The following NR3C2 variants were observed in gnomAD, a reference collection of about 807,000 sequenced individuals.
The protein encoded by NR3C2 is mineralocorticoid receptor.
NR3C2 carries 15 observed loss-of-function variants against 86.4 expected under a neutral mutation model. The observed-to-expected ratio is 0.17, with a 90% CI of 0.12 to 0.27. The LOEUF is 0.27. Ranked by LOEUF, NR3C2 falls within the 10% of genes least tolerant of loss-of-function variation. The pLI is 1.00. For missense variants in NR3C2, 960 were observed against 1,195.6 expected (o/e 0.80, Z 2.91); for synonymous variants, 458 against 450.5 (o/e 1.02, Z -0.21).
intron 4 of NR3C2, among the ~76,000 whole-genome samples, chr4:148,176,088 T>C (rs916454400): frequency 6.6e-6 from 1 of 152,196 alleles, no homozygotes; most frequent in African/African-American, 2.4e-5. Context: ...AACAGTAATG[T>C]GTCAAGGTGG....
chr4:148,145,737 G>C (rs536021666), intron 6 of NR3C2, among the ~76,000 whole-genome samples: 1 of 152,158 alleles, frequency 6.6e-6, no homozygotes, highest in Non-Finnish European at 1.5e-5. Flanking sequence ...CTACTGGTGC[G>C]AGGCCTGGTT....
At chr4:148,270,978 C>T (rs748335380) in intron 2 of NR3C2, among the ~76,000 whole-genome samples, 1 of 152,112 alleles carries the variant, frequency 6.6e-6, no homozygotes, top group Non-Finnish European at 1.5e-5. Context: ...AATGATAAAA[C>T]CAGATTCTGC....
At chr4:148,083,600 T>C (rs1560911460) in intron 8 of NR3C2, among the ~76,000 whole-genome samples, 2 of 152,140 alleles carry the variant, frequency 1.3e-5, no homozygotes, top group Non-Finnish European at 2.9e-5. Flanking sequence ...CAAAAAAGCC[T>C]GAAAATTCGA....
At chr4:148,136,013 C>T (rs545027327) in intron 6 of NR3C2, among the ~76,000 whole-genome samples, 77 of 117,314 alleles carry the variant, frequency 6.6e-4, no homozygotes, top group African/African-American at 2.1e-3. Context: ...GCCGAGATCC[C>T]GCCACTGCAC....
At chr4:148,212,871 T>A (rs569780562) in intron 3 of NR3C2, among the ~76,000 whole-genome samples, 23 of 152,192 alleles carry the variant, frequency 1.5e-4, no homozygotes, top group Non-Finnish European at 2.4e-4. Flanking sequence ...GTGTTTATTG[T>A]GCAGATGAAG....
chr4:148,097,759 T>G (rs577790443), intron 8 of NR3C2, among the ~76,000 whole-genome samples: 3 of 150,448 alleles, frequency 2.0e-5, no homozygotes, highest in East Asian at 3.9e-4. Context: ...TTGTTTTTTT[T>G]TTTTTTTTTA....
intron 4 of NR3C2, among the ~76,000 whole-genome samples, chr4:148,174,162 C>A (rs1735262679): frequency 6.6e-6 from 1 of 152,242 alleles, no homozygotes; most frequent in Non-Finnish European, 1.5e-5. Context: ...TGAAAGCCTG[C>A]CTGGGAATGG....
At chr4:148,372,108 T>G in intron 2 of NR3C2, among the ~76,000 whole-genome samples, 1 of 152,242 alleles carries the variant, frequency 6.6e-6, no homozygotes, top group African/African-American at 2.4e-5. Flanking sequence ...ATGCATGAAG[T>G]TTTAGCAAAT....
rs551349259 is a variant in NR3C2 at position 148,195,535 on chromosome 4, A to T, written c.1898-673T>A. 1.1e-4 allele frequency among the ~76,000 whole-genome samples: 16 copies of T among 152,332 alleles called. 1 individual carries two copies. Among genetic ancestry groups the T allele is most frequent in the African/African-American group, 3.1e-4 (13 of 41,590 alleles). On this transcript the variant is annotated intron_variant, in intron 3 of 8. Transcript: ENST00000358102. ...ACAAAAGCCTCTGCTCTTAACTTTC[A>T]TTCGATTTGGGGGAGACATAATAGA...
intron 2 of NR3C2, among the ~76,000 whole-genome samples, chr4:148,336,860 C>T (rs915788827): frequency 5.3e-5 from 8 of 152,188 alleles, no homozygotes; most frequent in Admixed American, 1.3e-4. Context: ...GGCATGATCA[C>T]GGCTCACTGT....
intron 2 of NR3C2, among the ~76,000 whole-genome samples, chr4:148,292,851 A>T (rs998220667): frequency 6.6e-6 from 1 of 152,146 alleles, no homozygotes; most frequent in East Asian, 1.9e-4. Context: ...AGAAAAATAG[A>T]TTTGATAGAT....
At chr4:148,390,560 A>C (rs1579241345) in intron 2 of NR3C2, among the ~76,000 whole-genome samples, 1 of 152,200 alleles carries the variant, frequency 6.6e-6, no homozygotes, top group African/African-American at 2.4e-5. Context: ...CACTACGGGC[A>C]CTGTGTGAAT....
rs1289224546 is a variant in NR3C2 at position 148,081,296 on chromosome 4, G to A, written c.*48C>T. The A allele has an allele frequency of 1.2e-6, 2 of 1,613,176 alleles. No homozygotes were observed. The highest frequency in any genetic ancestry group is 1.7e-6 in the Non-Finnish European group (2 of 1,179,176). On this transcript the variant is annotated 3_prime_UTR_variant, in exon 9 of 9. Transcript: ENST00000358102. Reference sequence around the variant, plus strand: ...GTTTTCTTGGGTCCTTCTGGGTGTGGAACAACACAGGGAAACTTAAGGCAA... The same window carrying A: ...GTTTTCTTGGGTCCTTCTGGGTGTGAAACAACACAGGGAAACTTAAGGCAA...
intron 2 of NR3C2, among the ~76,000 whole-genome samples, chr4:148,267,282 T>A (rs1156890216): frequency 7.6e-6 from 1 of 131,540 alleles, no homozygotes; most frequent in Admixed American, 8.5e-5. Flanking sequence ...ATTCTTTTTT[T>A]TTAATTTTTT....
chr4:148,248,906 C>T (rs3887856), intron 3 of NR3C2, among the ~76,000 whole-genome samples: 25,972 of 152,038 alleles, frequency 0.17, 2,974 homozygotes, highest in East Asian at 0.47. Context: ...GCAGTTTAAA[C>T]GTATGTGTGT....
At chr4:148,216,729 A>G (rs1447793907) in intron 3 of NR3C2, among the ~76,000 whole-genome samples, 1 of 152,232 alleles carries the variant, frequency 6.6e-6, no homozygotes, top group African/African-American at 2.4e-5. Context: ...GGGACCTACT[A>G]TATGCCCAGA....
At chr4:148,273,696 G>A (rs1203355407) in intron 2 of NR3C2, among the ~76,000 whole-genome samples, 2 of 152,172 alleles carry the variant, frequency 1.3e-5, no homozygotes, top group African/African-American at 4.8e-5. Context: ...ACACAGGGCT[G>A]AGACAGCAAG....
chr4:148,382,199 T>C (rs930610942), intron 2 of NR3C2, among the ~76,000 whole-genome samples: 2 of 152,174 alleles, frequency 1.3e-5, no homozygotes, highest in African/African-American at 4.8e-5. Flanking sequence ...AATCTCCAAA[T>C]TAGAAGGCAG....
At chr4:148,189,949 C>T (rs1736118333) in intron 4 of NR3C2, among the ~76,000 whole-genome samples, 1 of 152,090 alleles carries the variant, frequency 6.6e-6, no homozygotes, top group South Asian at 2.1e-4. Flanking sequence ...GTTAATGTTG[C>T]TAATGGTCTA....
Sources: gnomAD v4.1 joint callset for allele counts (sites outside exome capture counted in the v4.1 genomes callset) on GRCh38, gnomAD v4.1.1 for gene constraint, MANE v1.5 for transcripts, NCBI Gene and HGNC (gene_info 2026-07-23, HGNC 2026-07-21) for gene names.